NCALD: variants seen among roughly 807,000 people sequenced by gnomAD.
The protein encoded by NCALD is neurocalcin delta, also known as neurocalcin-delta.
NCALD carries 10 observed loss-of-function variants against 18.6 expected under a neutral mutation model. The ratio of observed to expected loss-of-function variants is 0.54; its 90% CI spans 0.33 to 0.91. The LOEUF (loss-of-function observed/expected upper bound fraction) is 0.91, where lower values mean the gene tolerates loss of function less well. NCALD is among the 40% of genes least tolerant of loss of function. NCALD has a pLI of 0.03. For synonymous variants in NCALD, 88 were observed against 87.4 expected, an observed-to-expected ratio of 1.01 and a Z score of -0.04; for missense variants, 184 against 247.6, an observed-to-expected ratio of 0.74 and a Z score of 1.72.
intron 2 of NCALD, among the ~76,000 whole-genome samples, chr8:101,925,691 C>T (rs1316712851): frequency 6.6e-6 from 1 of 152,072 alleles, no homozygotes; most frequent in Non-Finnish European, 1.5e-5. Flanking sequence ...TGAGCTAAAC[C>T]AGCCCCTAGA....
At chr8:102,072,808 C>T (rs996906163) in intron 1 of NCALD, among the ~76,000 whole-genome samples, 1 of 152,012 alleles carries the variant, frequency 6.6e-6, no homozygotes, top group East Asian at 1.9e-4. Flanking sequence ...GGACACCATT[C>T]GAAAGATTTT....
chr8:102,054,713 G>C (rs56704470), intron 1 of NCALD, among the ~76,000 whole-genome samples: 1 of 106,460 alleles, frequency 9.4e-6, no homozygotes, highest in Non-Finnish European at 2.0e-5. Flanking sequence ...TAGATAGATA[G>C]ATAGATATCC....
In NCALD at chr8:101,688,510, A is replaced by G. The variant is rs1351640735; in HGVS notation, c.*799T>C. ...AAGATTGTATTAGTGCTCACTAAAC[A>G]TGCATTTCATTTAAACAAGGCAAAA... On this transcript the variant is annotated 3_prime_UTR_variant, in exon 4 of 4. Coordinates refer to ENST00000220931, the MANE Select transcript of NCALD (RefSeq NM_032041.3). 8.4e-6 allele frequency: 3 copies of G among 358,230 alleles called. No homozygotes were observed. Among genetic ancestry groups the G allele is most frequent in the Non-Finnish European group, 1.7e-5 (3 of 181,570 alleles). The allele number at this position is 358,230 out of a possible 1,614,324, so 22.2% of individuals were successfully genotyped here.
chr8:101,835,000 C>T (rs1370679940), intron 4 of NCALD, among the ~76,000 whole-genome samples: 1 of 152,224 alleles, frequency 6.6e-6, no homozygotes, highest in Non-Finnish European at 1.5e-5. Flanking sequence ...TTCTTTGTAA[C>T]TGGTTCCTAT....
intron 3 of NCALD, among the ~76,000 whole-genome samples, chr8:101,900,517 GC>G (rs1205422586): frequency 6.6e-6 from 1 of 151,808 alleles, no homozygotes; most frequent in Non-Finnish European, 1.5e-5. Flanking sequence ...TCTCAGAACT[GC>G]TTTAGCTGAG....
chr8:101,716,897 G>A (rs956100579), intron 2 of NCALD, among the ~76,000 whole-genome samples: 1 of 152,206 alleles, frequency 6.6e-6, no homozygotes, highest in African/African-American at 2.4e-5. Context: ...TTTGAAGATG[G>A]ATGAAGAGGG....
At chr8:101,853,550 C>T (rs571868904) in intron 4 of NCALD, among the ~76,000 whole-genome samples, 67 of 152,272 alleles carry the variant, frequency 4.4e-4, no homozygotes, top group African/African-American at 1.5e-3. Flanking sequence ...TAACCCTTCA[C>T]AAGACCTGGG....
chr8:102,113,354 G>A (rs1457136336), intron 1 of NCALD, among the ~76,000 whole-genome samples: 1 of 152,184 alleles, frequency 6.6e-6, no homozygotes, highest in East Asian at 1.9e-4. Flanking sequence ...AGCAGGCACA[G>A]AAGAAAGTTT....
At chr8:101,804,896 A>G (rs1813043166) in intron 4 of NCALD, among the ~76,000 whole-genome samples, 1 of 151,664 alleles carries the variant, frequency 6.6e-6, no homozygotes, top group Non-Finnish European at 1.5e-5. Flanking sequence ...CCTCTGAGAA[A>G]TGCCTGTACA....
chr8:101,719,145 C>T lies in NCALD; in HGVS notation c.378+107G>A. On this transcript the variant is annotated intron_variant, in intron 2 of 3. Transcript: ENST00000220931. ...TGCAGGGTGGGCCAAATGAAGTGTC[C>T]TGGTGACTCACCAGTTTGCAACCTC... The T allele has an allele frequency of 3.7e-6, 5 of 1,354,046 alleles. No homozygotes were observed. The Admixed American group carries it at 1.1e-4, about 31-fold the overall frequency. The allele number at this position is 1,354,046 out of a possible 1,614,324, so 83.9% of individuals were successfully genotyped here. A position where few individuals can be genotyped will look rare whatever the true frequency, so the allele number is the denominator to read the frequency against.
chr8:101,727,314 G>A (rs996951004), intron 1 of NCALD, among the ~76,000 whole-genome samples: 6 of 152,100 alleles, frequency 3.9e-5, no homozygotes, highest in African/African-American at 1.4e-4. Flanking sequence ...TCCATTGTCA[G>A]CACCTCAATA....
intron 4 of NCALD, among the ~76,000 whole-genome samples, chr8:101,801,719 T>C (rs1812870072): frequency 7.8e-6 from 1 of 128,926 alleles, no homozygotes; most frequent in Non-Finnish European, 1.6e-5. Context: ...CAGGCTGGAG[T>C]GCAGTGGCAC....
At chr8:102,113,740 G>A (rs1389400627) in intron 1 of NCALD, among the ~76,000 whole-genome samples, 1 of 152,144 alleles carries the variant, frequency 6.6e-6, no homozygotes, top group Non-Finnish European at 1.5e-5. Context: ...AATAAATTAT[G>A]TAGTCGTCTT....
chr8:101,766,925 A>G (rs1017581999), intron 1 of NCALD, among the ~76,000 whole-genome samples: 1 of 152,232 alleles, frequency 6.6e-6, no homozygotes, highest in Non-Finnish European at 1.5e-5. Flanking sequence ...CACATAATAT[A>G]CACACTCCTG....
At chr8:101,900,543 ATGT>A in intron 3 of NCALD, among the ~76,000 whole-genome samples, 1 of 152,034 alleles carries the variant, frequency 6.6e-6, no homozygotes, top group East Asian at 1.9e-4. Flanking sequence ...ATAAATTTTG[ATGT>A]TGTATTTTCA....
intron 2 of NCALD, among the ~76,000 whole-genome samples, chr8:101,711,496 C>T (rs1277534266): frequency 6.6e-6 from 1 of 151,864 alleles, no homozygotes; most frequent in Non-Finnish European, 1.5e-5. Context: ...ATGTTCTAAC[C>T]CAATGCAAGG....
At chr8:101,761,696 T>A (rs531328782) in intron 1 of NCALD, among the ~76,000 whole-genome samples, 1 of 152,342 alleles carries the variant, frequency 6.6e-6, no homozygotes, top group East Asian at 1.9e-4. Context: ...TTCCCAGTAT[T>A]CAATCTCCCC....
At chr8:101,944,591 C>CTAT (rs1819095941) in intron 2 of NCALD, among the ~76,000 whole-genome samples, 1 of 152,230 alleles carries the variant, frequency 6.6e-6, no homozygotes, top group Non-Finnish European at 1.5e-5. Context: ...CCTCTATGCC[C>CTAT]TATACCTGTA....
rs1339894759 is a variant in NCALD, at chr8:102,042,510, G to C, written c.-209-22221C>G. 3.3e-5 allele frequency among the ~76,000 whole-genome samples: 5 copies of C among 151,906 alleles called. 1 individual carries two copies. Among genetic ancestry groups the C allele is most frequent in the Non-Finnish European group, 7.3e-5 (5 of 68,028 alleles). ...GACATGAGCTCAAGGAGAGGTAGCT[G>C]TGTTGGAATCCAAGTTTCTGAGTGC... On this transcript the variant is annotated intron_variant, in intron 1 of 6. Coordinates refer to the NCALD transcript ENST00000311028.
Sources: gnomAD v4.1 joint callset for allele counts (sites outside exome capture counted in the v4.1 genomes callset) on GRCh38, gnomAD v4.1.1 for gene constraint, MANE v1.5 for transcripts, NCBI Gene and HGNC (gene_info 2026-07-23, HGNC 2026-07-21) for gene names.